The following XYLT1 variants were observed in gnomAD, a reference collection of about 807,000 sequenced individuals.
XYLT1 encodes the protein beta-D-xylosyltransferase 1.
A neutral mutation model predicts 91.3 loss-of-function variants in XYLT1; 36 were observed. The observed-to-expected ratio is 0.39, with a 90% CI of 0.30 to 0.52. The LOEUF is 0.52. Ranked by LOEUF, XYLT1 falls within the 20% of genes least tolerant of loss-of-function variation. The pLI is 0.68. For missense variants in XYLT1, 1,242 were observed against 1,284.5 expected (o/e 0.97, Z 0.51); for synonymous variants, 588 against 532.0 (o/e 1.11, Z -1.45).
chr16:17,122,774 T>C (rs912466208), intron 10 of XYLT1, among the ~76,000 whole-genome samples: 1 of 152,226 alleles, frequency 6.6e-6, no homozygotes, highest in African/African-American at 2.4e-5. Context: ...AGGTGAGAGA[T>C]GAGGATTCGG....
chr16:17,351,807 C>T (rs1213604257), intron 2 of XYLT1, among the ~76,000 whole-genome samples: 1 of 151,188 alleles, frequency 6.6e-6, no homozygotes, highest in South Asian at 2.1e-4. Context: ...TGATCTCTAC[C>T]CACTAGATGC....
chr16:17,152,433 G>T (rs1036556282), intron 6 of XYLT1, among the ~76,000 whole-genome samples: 1 of 152,186 alleles, frequency 6.6e-6, no homozygotes, highest in Admixed American at 6.5e-5. Flanking sequence ...AATGCAATCT[G>T]CTTTCCCTAT....
At chr16:17,456,566 C>T (rs1270693175) in intron 1 of XYLT1, among the ~76,000 whole-genome samples, 1 of 152,092 alleles carries the variant, frequency 6.6e-6, no homozygotes, top group Non-Finnish European at 1.5e-5. Flanking sequence ...GTCTTGAACT[C>T]CTGGGCTCCA....
intron 2 of XYLT1, among the ~76,000 whole-genome samples, chr16:17,300,104 C>T (rs773908779): frequency 6.6e-6 from 1 of 152,024 alleles, no homozygotes; most frequent in Admixed American, 6.6e-5. Context: ...ATAACCAGGT[C>T]GGGAGGAATT....
At chr16:17,368,204 G>A (rs542860416) in intron 1 of XYLT1, among the ~76,000 whole-genome samples, 10 of 152,270 alleles carry the variant, frequency 6.6e-5, no homozygotes, top group East Asian at 3.9e-4. Context: ...GCTACAGCTC[G>A]GGATGTAGAG....
chr16:17,374,379 T>C (rs2035570460), intron 1 of XYLT1, among the ~76,000 whole-genome samples: 1 of 152,168 alleles, frequency 6.6e-6, no homozygotes, highest in Non-Finnish European at 1.5e-5. Context: ...AGTTCCTGTG[T>C]AGATTGATTG....
intron 1 of XYLT1, among the ~76,000 whole-genome samples, chr16:17,386,684 C>T (rs1230722700): frequency 2.0e-5 from 3 of 152,200 alleles, no homozygotes; most frequent in African/African-American, 2.4e-5. Context: ...CCTGTATCCA[C>T]GAGCCAGTTT....
chr16:17,315,043 C>A (rs563407948), intron 2 of XYLT1, among the ~76,000 whole-genome samples: 35 of 152,316 alleles, frequency 2.3e-4, no homozygotes, highest in Middle Eastern at 3.4e-3. Context: ...AAGACTTCAT[C>A]TGACTCATGA....
chr16:17,300,680 G>C (rs2034382642), intron 2 of XYLT1, among the ~76,000 whole-genome samples: 2 of 151,466 alleles, frequency 1.3e-5, no homozygotes. Flanking sequence ...CGCTGGTCTG[G>C]AACTCCTGGG....
At chr16:17,190,901 T>G (rs2032295553) in intron 5 of XYLT1, among the ~76,000 whole-genome samples, 1 of 152,198 alleles carries the variant, frequency 6.6e-6, no homozygotes, top group South Asian at 2.1e-4. Context: ...GCTGTAGCCT[T>G]GGGGTCAAGT....
intron 1 of XYLT1, among the ~76,000 whole-genome samples, chr16:17,390,285 G>A (rs1411298210): frequency 1.3e-5 from 2 of 152,184 alleles, no homozygotes; most frequent in Non-Finnish European, 2.9e-5. Context: ...GCGGCTGTAT[G>A]TACGTGAATA....
In XYLT1 at chr16:17,109,005, T is replaced by C. The variant is rs1359637688; in HGVS notation, c.2570A>G (p.Lys857Arg). 1 of 1,517,988 alleles carries C rather than the reference T, an allele frequency of 6.6e-7. No homozygotes were observed. Among genetic ancestry groups the C allele is most frequent in the East Asian group, 2.3e-5 (1 of 43,382 alleles). The allele number at this position is 1,517,988 out of a possible 1,614,324, so 94.0% of individuals were successfully genotyped here. Residue 857 changes from lysine to arginine, a missense_variant, in exon 12 of 12, where the codon AAG (lysine) becomes AGG (arginine). Transcript: ENST00000261381. ...ATTGCGGAGGGGCCCATTGTGCAGC[T>C]TCAGTGCCTCCTCTGAAAGCCAAAG... ...RQPIKPEEAL[K>R]LHNGPLRNAY...
intron 1 of XYLT1, among the ~76,000 whole-genome samples, chr16:17,456,978 G>C (rs2036752692): frequency 6.6e-6 from 1 of 152,130 alleles, no homozygotes. Flanking sequence ...CATTCTGAAA[G>C]TTGCAAACTC....
At chr16:17,384,870 G>A (rs1011512789) in intron 1 of XYLT1, among the ~76,000 whole-genome samples, 9 of 151,806 alleles carry the variant, frequency 5.9e-5, no homozygotes, top group African/African-American at 9.7e-5. Flanking sequence ...TAATCATTCC[G>A]TTTAGTAATA....
intron 2 of XYLT1, among the ~76,000 whole-genome samples, chr16:17,265,105 T>C (rs1252819806): frequency 6.6e-6 from 1 of 152,176 alleles, no homozygotes; most frequent in African/African-American, 2.4e-5. Flanking sequence ...GGAGAATCGC[T>C]TGAACCCAGG....
chr16:17,201,518 A>G (rs553329774), intron 3 of XYLT1, among the ~76,000 whole-genome samples: 2 of 146,212 alleles, frequency 1.4e-5, no homozygotes, highest in South Asian at 2.2e-4. Flanking sequence ...TCTGTTGCCC[A>G]GGCTGCAGTG....
At chr16:17,247,142 T>C (rs1461524501) in intron 3 of XYLT1, among the ~76,000 whole-genome samples, 1 of 133,686 alleles carries the variant, frequency 7.5e-6, no homozygotes, top group Non-Finnish European at 1.5e-5. Flanking sequence ...GCTTATTTCA[T>C]TCATTCATTC....
At position 17,204,279 on chromosome 16, in the gene XYLT1, A is replaced by G. The variant is rs188100401; in HGVS notation, c.914-3625T>C. Among the ~76,000 whole-genome samples the G allele has an allele frequency of 1.1e-4, 16 of 152,346 alleles. No individual in the cohort carries two copies. The East Asian group carries it at 3.1e-3, about 29-fold the overall frequency. On this transcript the variant is annotated intron_variant, in intron 3 of 11. Coordinates refer to ENST00000261381, the MANE Select transcript of XYLT1 (RefSeq NM_022166.4). ...TTTAAAAGGCAGAACAGATTTACAG[A>G]CAGACACAGACATGGATGCTTTTCT...
intron 1 of XYLT1, among the ~76,000 whole-genome samples, chr16:17,456,330 AC>A (rs1459259707): frequency 4.3e-5 from 6 of 139,416 alleles, no homozygotes; most frequent in Non-Finnish European, 7.7e-5. Flanking sequence ...AACAGTACAA[AC>A]CTTTTTTTTT....
Sources: gnomAD v4.1 joint callset for allele counts (sites outside exome capture counted in the v4.1 genomes callset) on GRCh38, gnomAD v4.1.1 for gene constraint, MANE v1.5 for transcripts, NCBI Gene and HGNC (gene_info 2026-07-23, HGNC 2026-07-21) for gene names.